Variants in PSEN2 observed in about 807,000 individuals in gnomAD.
PSEN2 encodes presenilin-2.
In PSEN2, 32 loss-of-function variants were observed where a neutral mutation model predicts 49.1. That is an observed-to-expected ratio of 0.65 (90% CI 0.49 to 0.88). The LOEUF (loss-of-function observed/expected upper bound fraction) is 0.88. Ranked by LOEUF, PSEN2 falls within the 40% of genes least tolerant of loss-of-function variation. PSEN2 has a pLI of 0.00. For synonymous variants in PSEN2, 255 were observed against 244.0 expected, an observed-to-expected ratio of 1.05 and a Z score of -0.42; for missense variants, 522 against 586.9, an observed-to-expected ratio of 0.89 and a Z score of 1.14.
chr1:226,870,962 C>T (rs1660240184), intron 1 of PSEN2: 1 of 152,368 alleles, frequency 6.6e-6, no homozygotes, highest in African/African-American at 2.4e-5. Flanking sequence ...CCTGCGCCCG[C>T]CTGCCGCCGA....
intron 5 of PSEN2, 147 bp from the exon 6 acceptor site, chr1:226,885,391 G>A: frequency 1.2e-6 from 1 of 856,798 alleles, no homozygotes; most frequent in Admixed American, 2.4e-5. Flanking sequence ...ACTGCTCATG[G>A]GGATGGTGCC....
chr1:226,884,486 C>T (rs987168748), intron 5 of PSEN2: 5 of 152,474 alleles, frequency 3.3e-5, no homozygotes, highest in African/African-American at 9.7e-5. Flanking sequence ...GCTTCCTCCA[C>T]TTCTTCCCCC....
intron 11 of PSEN2, among the ~76,000 whole-genome samples, chr1:226,893,332 A>C (rs150207043): frequency 4.6e-5 from 7 of 152,344 alleles, no homozygotes; most frequent in Non-Finnish European, 1.0e-4. Flanking sequence ...GAAGGAGGAC[A>C]GCTGGGGCCA....
At chr1:226,873,014 C>G (rs1660405637) in intron 2 of PSEN2, among the ~76,000 whole-genome samples, 1 of 148,464 alleles carries the variant, frequency 6.7e-6, no homozygotes, top group Non-Finnish European at 1.5e-5. Context: ...CCCATCTTTA[C>G]TAAAAATACA....
At chr1:226,901,686 C>G (rs1462234294) in intron 12 of PSEN2, among the ~76,000 whole-genome samples, 1 of 152,154 alleles carries the variant, frequency 6.6e-6, no homozygotes, top group Admixed American at 6.5e-5. Context: ...GCTTACTGGT[C>G]AGATATCTTT....
In PSEN2 at chr1:226,895,820, C is replaced by G. The variant is rs1294366607; in HGVS notation, c.*241C>G. ...CGGACAGGAAGCACAGCAGGTTTAT[C>G]CAGATGAACTGAGAAGGTCAGATTA... is the stretch of plus-strand genomic sequence containing the variant. On this transcript the variant is annotated 3_prime_UTR_variant, in exon 13 of 13. Coordinates refer to ENST00000366783, the MANE Select transcript of PSEN2 (RefSeq NM_000447.3). 3.5e-6 allele frequency: 2 copies of G among 570,636 alleles called. No homozygotes were observed. The highest frequency in any genetic ancestry group is 3.8e-5 in the African/African-American group (2 of 53,158). The allele number at this position is 570,636 out of a possible 1,614,324, so 35.3% of individuals were successfully genotyped here.
At position 226,895,585 on chromosome 1, in the gene PSEN2, A is replaced by G. The variant is rs371693894; in HGVS notation, c.*6A>G. On this transcript the variant is annotated 3_prime_UTR_variant, in exon 13 of 13. Coordinates refer to ENST00000366783, the MANE Select transcript of PSEN2 (RefSeq NM_000447.3). ...CCCATCAGCTCTACATCTGAGGGACATGGTGTGCCACAGGCTGCAAGCTGC... is the reference window on the plus strand; with the variant it reads ...CCCATCAGCTCTACATCTGAGGGACGTGGTGTGCCACAGGCTGCAAGCTGC... 9.9e-6 allele frequency: 16 copies of G among 1,609,808 alleles called. No homozygotes were observed. Among genetic ancestry groups the G allele is most frequent in the African/African-American group, 4.0e-5 (3 of 74,856 alleles).
At chr1:226,890,168 G>T in intron 9 of PSEN2, 35 bp downstream of exon 9, 1 of 1,555,634 alleles carries the variant, frequency 6.4e-7, no homozygotes. Flanking sequence ...CCTGACTCGG[G>T]GTCAGCAGGC....
intron 5 of PSEN2, 33 bp downstream of exon 5, chr1:226,883,952 G>A (rs1558145395): frequency 2.1e-6 from 3 of 1,425,362 alleles, no homozygotes; most frequent in Non-Finnish European, 2.9e-6. Context: ...GCAGGGTGGG[G>A]TGAGGGCTGA....
chr1:226,882,739 G>GA (rs970346028), intron 4 of PSEN2, among the ~76,000 whole-genome samples: 1 of 152,176 alleles, frequency 6.6e-6, no homozygotes, highest in Admixed American at 6.5e-5. Flanking sequence ...TTCTCCTTGA[G>GA]AACGGAACCA....
At chr1:226,880,553 A>ATCACTCAGCCTCTGGACAGCGC in intron 3 of PSEN2, 1 of 1,572,104 alleles carries the variant, frequency 6.4e-7, no homozygotes, top group African/African-American at 1.8e-5. Flanking sequence ...ACAGACAGCG[A>ATCACTCAGCCTCTGGACAGCGC]TCACTCAGCC....
rs1571947597 is a variant in PSEN2, at chr1:226,881,897, G to A, written c.-11G>A. 6.2e-7 allele frequency: 1 copy of A among 1,614,236 alleles called. No individual in the cohort carries two copies. The highest frequency in any genetic ancestry group is 1.1e-5 in the South Asian group (1 of 91,090). On this transcript the variant is annotated 5_prime_UTR_variant, in exon 4 of 13. Transcript: ENST00000366783. ...GTGCTCCTTTTTCCAGGTGCTTCCA[G>A]AGGCAGGGCTATGCTCACATTCATG...
chr1:226,877,736 C>T (rs1459089068), intron 3 of PSEN2, among the ~76,000 whole-genome samples: 1 of 152,270 alleles, frequency 6.6e-6, no homozygotes, highest in Non-Finnish European at 1.5e-5. Context: ...ATGAGGGAAG[C>T]AGCCTGCTCA....
At chr1:226,890,523 C>T (rs1661672899) in intron 9 of PSEN2, 5 of 316,168 alleles carry the variant, frequency 1.6e-5, no homozygotes, top group East Asian at 8.0e-5. Context: ...TTGACAGCAG[C>T]GTGGCTGATT....
rs542840788 is a variant in PSEN2 at position 226,902,284 on chromosome 1, T to C, written c.1192-6238T>C. On this transcript the variant is annotated intron_variant, in intron 12 of 14. Transcript: ENST00000676945. ...ACAGGAGGCGGAGCTCAGGTGGTAA[T>C]GCTCATCTCCACCGCTTACCACCTG... is the stretch of plus-strand genomic sequence containing the variant. Among the ~76,000 whole-genome samples, 6 of 152,248 alleles carry C rather than the reference T, an allele frequency of 3.9e-5. No individual in the cohort carries two copies. In the East Asian group the frequency reaches 1.2e-3, roughly 29 times the overall value.
rs369274454 is a variant in PSEN2 at position 226,894,098 on chromosome 1, G to A, written c.1164G>A (p.Thr388=). The change falls in exon 12 of 13, where the codon ACG becomes ACA. Residue 388 remains threonine, a synonymous_variant. Coordinates refer to ENST00000366783, the MANE Select transcript of PSEN2 (RefSeq NM_000447.3). ...CGGGCAGCGGGGACTGGAATACCAC[G>A]CTGGCCTGCTTCGTGGCCATCCTCA... The part of the protein sequence containing the change: ...AATGSGDWNT[T]LACFVAILIG... 17 of 1,614,056 alleles carry A rather than the reference G, an allele frequency of 1.1e-5. No homozygotes were observed. The highest frequency in any genetic ancestry group is 4.5e-5 in the East Asian group (2 of 44,900).
intron 3 of PSEN2, among the ~76,000 whole-genome samples, chr1:226,876,371 GT>G (rs1660629133): frequency 6.6e-6 from 1 of 152,156 alleles, no homozygotes. Context: ...AATGAAAAAA[GT>G]TACAGCCTTT....
At chr1:226,882,657 G>A (rs904617252) in intron 4 of PSEN2, among the ~76,000 whole-genome samples, 1 of 152,140 alleles carries the variant, frequency 6.6e-6, no homozygotes, top group Non-Finnish European at 1.5e-5. Context: ...ATTAAAAAAT[G>A]TCTCTGTGTG....
intron 2 of PSEN2, among the ~76,000 whole-genome samples, chr1:226,874,108 G>A (rs1660476316): frequency 6.6e-6 from 1 of 152,214 alleles, no homozygotes; most frequent in Non-Finnish European, 1.5e-5. Flanking sequence ...TGACAGATGA[G>A]CTGGTGAGTG....
Sources: allele counts gnomAD v4.1 joint callset (sites outside exome capture counted in the v4.1 genomes callset), GRCh38; gene constraint gnomAD v4.1.1; transcripts MANE v1.5; gene names NCBI Gene and HGNC (gene_info 2026-07-23, HGNC 2026-07-21).